Variants in RFC3 observed in about 807,000 individuals in gnomAD.
The protein encoded by RFC3 is A1 38 kDa subunit.
A neutral mutation model predicts 45.1 loss-of-function variants in RFC3; 41 were observed. The ratio of observed to expected loss-of-function variants is 0.91; its 90% CI spans 0.71 to 1.18. The LOEUF is 1.18. RFC3 is among the 50% of genes most tolerant of loss of function. The pLI, the probability that RFC3 is intolerant of heterozygous loss-of-function variation, is 0.00. For synonymous variants in RFC3, 149 were observed against 144.0 expected, an observed-to-expected ratio of 1.03 and a Z score of -0.25; for missense variants, 423 against 428.1, an observed-to-expected ratio of 0.99 and a Z score of 0.10.
chr13:33,903,294 T>C (rs1286466347), intron 8 of RFC3, among the ~76,000 whole-genome samples: 1 of 152,106 alleles, frequency 6.6e-6, no homozygotes, highest in African/African-American at 2.4e-5. Context: ...AGCAACATGA[T>C]GTCACTGAAG....
At chr13:33,899,204 C>CAAAAGAAA (rs2082621781) in intron 8 of RFC3, among the ~76,000 whole-genome samples, 1 of 51,968 alleles carries the variant, frequency 1.9e-5, no homozygotes, top group Non-Finnish European at 3.6e-5. Flanking sequence ...CACAATAAGA[C>CAAAAGAAA]AAAAAAAAAA....
intron 8 of RFC3, among the ~76,000 whole-genome samples, chr13:33,954,883 C>A (rs1313670121): frequency 6.6e-6 from 1 of 152,192 alleles, no homozygotes; most frequent in East Asian, 1.9e-4. Context: ...GAACACAAAC[C>A]TTCAGTCCAC....
chr13:33,945,451 C>G (rs982243487), intron 8 of RFC3, among the ~76,000 whole-genome samples: 3 of 152,144 alleles, frequency 2.0e-5, no homozygotes, highest in African/African-American at 7.2e-5. Flanking sequence ...AGAGGATTAA[C>G]TTCTGGGAGC....
At position 33,928,671 on chromosome 13, in the gene RFC3, G is replaced by A. The variant is rs1347211595; in HGVS notation, c.880-37416G>A. 3.9e-5 allele frequency among the ~76,000 whole-genome samples: 6 copies of A among 152,218 alleles called. No individual in the cohort carries two copies. In the South Asian group the frequency reaches 6.2e-4, roughly 16 times the overall value. On this transcript the variant is annotated intron_variant, in intron 8 of 8. Transcript: ENST00000434425. ...CTAGATTACTGAATATACTTTCTCT[G>A]GTGTTTGCTTTACATCTTATCCACA...
chr13:33,891,186 A>G (rs370281669), intron 8 of RFC3, among the ~76,000 whole-genome samples: 3 of 152,338 alleles, frequency 2.0e-5, no homozygotes, highest in Middle Eastern at 3.4e-3. Context: ...AATATTAAAT[A>G]TACAACTAAG....
chr13:33,926,303 A>G (rs1336268869), intron 8 of RFC3, among the ~76,000 whole-genome samples: 1 of 149,296 alleles, frequency 6.7e-6, no homozygotes, highest in African/African-American at 2.5e-5. Flanking sequence ...GCACATGTAT[A>G]CATATGTAAC....
In RFC3 at chr13:33,825,912, A is replaced by G. The variant is rs3135576; in HGVS notation, c.391+26A>G. ...GTAGGTGATCAAAAGACTTCTTTTT[A>G]TGAAGCTGCCAAGCATTAGTGCTCT... is the stretch of plus-strand genomic sequence containing the variant. On this transcript the variant is annotated intron_variant, in intron 4 of 8. Coordinates refer to ENST00000380071, the MANE Select transcript of RFC3 (RefSeq NM_002915.4). 1,062 of 1,451,808 alleles carry G rather than the reference A, an allele frequency of 7.3e-4. 11 individuals are homozygous for G. In the African/African-American group the frequency reaches 0.013, roughly 18 times the overall value. The allele number at this position is 1,451,808 out of a possible 1,614,324, so 89.9% of individuals were successfully genotyped here. A position where few individuals can be genotyped will look rare whatever the true frequency, so the allele number is the denominator to read the frequency against.
intron 8 of RFC3, among the ~76,000 whole-genome samples, chr13:33,921,429 A>G (rs2082768233): frequency 6.6e-6 from 1 of 152,152 alleles, no homozygotes; most frequent in Non-Finnish European, 1.5e-5. Context: ...GGAAAAACAA[A>G]TGTAAATGGA....
intron 8 of RFC3, among the ~76,000 whole-genome samples, chr13:33,949,683 T>C (rs1045218502): frequency 3.9e-5 from 6 of 152,120 alleles, no homozygotes; most frequent in African/African-American, 1.4e-4. Flanking sequence ...AAATATTTGG[T>C]CAAATATTAT....
chr13:33,869,760 A>G (rs1194720430), intron 8 of RFC3, among the ~76,000 whole-genome samples: 1 of 152,162 alleles, frequency 6.6e-6, no homozygotes, highest in Non-Finnish European at 1.5e-5. Context: ...ACCTTTTCAC[A>G]TTGCGAGAGT....
At chr13:33,831,464 T>C in intron 7 of RFC3, 110 bp downstream of exon 7, 1 of 631,920 alleles carries the variant, frequency 1.6e-6, no homozygotes, top group East Asian at 2.9e-5. Context: ...ATCCTGAATC[T>C]ATGTATTAAC....
chr13:33,938,512 T>G (rs2082902728), intron 8 of RFC3, among the ~76,000 whole-genome samples: 1 of 152,030 alleles, frequency 6.6e-6, no homozygotes, highest in South Asian at 2.1e-4. Flanking sequence ...AACACTATGG[T>G]GTTAAAAATC....
At chr13:33,958,010 T>TA (rs1258982626) in intron 8 of RFC3, among the ~76,000 whole-genome samples, 3 of 152,120 alleles carry the variant, frequency 2.0e-5, no homozygotes, top group Non-Finnish European at 4.4e-5. Context: ...ACGAGAGTTT[T>TA]AAAAAAATCA....
intron 8 of RFC3, among the ~76,000 whole-genome samples, chr13:33,860,416 T>C (rs951987436): frequency 1.3e-5 from 2 of 152,100 alleles, no homozygotes; most frequent in Non-Finnish European, 2.9e-5. Flanking sequence ...ACATCTACCT[T>C]TGAGTGCTCC....
chr13:33,890,661 TA>T (rs1303349491), intron 8 of RFC3, among the ~76,000 whole-genome samples: 1 of 152,240 alleles, frequency 6.6e-6, no homozygotes, highest in Non-Finnish European at 1.5e-5. Context: ...GTCCTGAGCT[TA>T]ATTACATCAT....
intron 8 of RFC3, among the ~76,000 whole-genome samples, chr13:33,896,703 C>T (rs968061302): frequency 6.2e-5 from 5 of 80,730 alleles, no homozygotes; most frequent in Admixed American, 2.3e-4. Flanking sequence ...CAGAGTAAGA[C>T]TTTGTCTCAA....
chr13:33,911,912 A>C (rs953045320), intron 8 of RFC3, among the ~76,000 whole-genome samples: 9 of 152,112 alleles, frequency 5.9e-5, no homozygotes, highest in African/African-American at 2.2e-4. Context: ...TATCCAAACT[A>C]TAGCAAAGAC....
chr13:33,944,633 TA>T (rs942208620), intron 8 of RFC3, among the ~76,000 whole-genome samples: 6 of 152,180 alleles, frequency 3.9e-5, no homozygotes, highest in African/African-American at 1.4e-4. Flanking sequence ...CCTTGAAAAA[TA>T]CCAGTAATCA....
At chr13:33,933,048 T>C (rs1414907141) in intron 8 of RFC3, among the ~76,000 whole-genome samples, 1 of 152,154 alleles carries the variant, frequency 6.6e-6, no homozygotes, top group Non-Finnish European at 1.5e-5. Flanking sequence ...CTTTGAAAAA[T>C]CTGAGATACT....
Sources: gnomAD v4.1 joint callset for allele counts (sites outside exome capture counted in the v4.1 genomes callset) on GRCh38, gnomAD v4.1.1 for gene constraint, MANE v1.5 for transcripts, NCBI Gene and HGNC (gene_info 2026-07-23, HGNC 2026-07-21) for gene names.